Variants in GTF2H3 observed in about 807,000 individuals in gnomAD.
The protein encoded by GTF2H3 is general transcription factor IIH subunit 3.
GTF2H3 carries 42 observed loss-of-function variants against 51.1 expected under a neutral mutation model. That is an observed-to-expected ratio of 0.82 (90% CI 0.64 to 1.06). The LOEUF (loss-of-function observed/expected upper bound fraction) is 1.06. Among genes scored for constraint, GTF2H3 ranks in the 50% least tolerant of loss-of-function variants. The probability of loss-of-function intolerance (pLI) is 0.00; values close to 1 mark genes in which losing one functional copy is unlikely to be tolerated. For missense variants in GTF2H3, 326 were observed against 366.1 expected (o/e 0.89, Z 0.89); for synonymous variants, 123 against 123.8 (o/e 0.99, Z 0.04).
intron 3 of GTF2H3, among the ~76,000 whole-genome samples, chr12:123,647,217 C>A (rs1054813913): frequency 6.7e-6 from 1 of 150,074 alleles, no homozygotes. Context: ...CGCCTGTAAT[C>A]CCAGCACTTC....
chr12:123,658,285 C>T (rs887084908), intron 9 of GTF2H3, among the ~76,000 whole-genome samples: 1 of 152,070 alleles, frequency 6.6e-6, no homozygotes, highest in Non-Finnish European at 1.5e-5. Flanking sequence ...ATGGTACGAT[C>T]TCGGTGCACT....
chr12:123,660,469 A>G lies in GTF2H3; in HGVS notation c.*234A>G, dbSNP rs190510053. On this transcript the variant is annotated 3_prime_UTR_variant, in exon 13 of 13. Coordinates refer to ENST00000543341, the MANE Select transcript of GTF2H3 (RefSeq NM_001516.5). Reference sequence around the variant, plus strand: ...AATATTCTATGACTGGTTTCTGTCCATGTTTGTGGCTTTCATTTTTTTAAT... The same window carrying G: ...AATATTCTATGACTGGTTTCTGTCCGTGTTTGTGGCTTTCATTTTTTTAAT... 4.2e-4 allele frequency: 151 copies of G among 356,204 alleles called. No homozygotes were observed. Among genetic ancestry groups the G allele is most frequent in the African/African-American group, 2.9e-3 (139 of 47,370 alleles). The allele number at this position is 356,204 out of a possible 1,614,324, so 22.1% of individuals were successfully genotyped here. A position where few individuals can be genotyped will look rare whatever the true frequency, so the allele number is the denominator to read the frequency against.
chr12:123,654,657 T>G (rs961446749), intron 7 of GTF2H3, among the ~76,000 whole-genome samples: 1 of 151,978 alleles, frequency 6.6e-6, no homozygotes, highest in South Asian at 2.1e-4. Flanking sequence ...GTGTTTATTT[T>G]GTGTATGTGT....
At chr12:123,646,114 T>C (rs1955443318) in intron 3 of GTF2H3, among the ~76,000 whole-genome samples, 1 of 152,234 alleles carries the variant, frequency 6.6e-6, no homozygotes, top group Non-Finnish European at 1.5e-5. Context: ...CACTGCAAGA[T>C]GGTGCATAGC....
rs1200244224 is a variant in GTF2H3 at position 123,659,516 on chromosome 12, G to T, written c.616G>T (p.Ala206Ser). The T allele has an allele frequency of 1.2e-6, 2 of 1,614,014 alleles. No individual in the cohort carries two copies. The highest frequency in any genetic ancestry group is 1.7e-6 in the Non-Finnish European group (2 of 1,179,996). The change falls in exon 10 of 13, where the codon GCT (alanine) becomes TCT (serine). Residue 206 changes from alanine (A) to serine (S), a missense_variant and splice_region_variant. Coordinates refer to ENST00000543341, the MANE Select transcript of GTF2H3 (RefSeq NM_001516.5). ...LDSDSGLLQQ[A>S]CDITGGLYLK... Reference sequence around the variant, plus strand: ...GCAGCAAGCCGCCTGTGTCTTGCAGGCTTGTGACATCACGGGAGGACTGTA... The same window carrying T: ...GCAGCAAGCCGCCTGTGTCTTGCAGTCTTGTGACATCACGGGAGGACTGTA...
intron 8 of GTF2H3, 99 bp downstream of exon 8, chr12:123,655,097 C>T: frequency 1.1e-6 from 1 of 888,856 alleles, no homozygotes; most frequent in Admixed American, 1.9e-5. Context: ...ACTACGTAGG[C>T]TTATGAATGG....
chr12:123,653,081 T>C (rs1955539251), intron 7 of GTF2H3, among the ~76,000 whole-genome samples: 1 of 150,420 alleles, frequency 6.6e-6, no homozygotes, highest in East Asian at 2.0e-4. Context: ...GGTGACAGAG[T>C]GAGACTCCGT....
intron 2 of GTF2H3, 89 bp from the exon 3 acceptor site, chr12:123,645,366 A>C (rs1593800732): frequency 1.4e-6 from 1 of 726,604 alleles, no homozygotes; most frequent in Non-Finnish European, 2.4e-6. Flanking sequence ...CACTGCACCC[A>C]GCCTAAACGA....
chr12:123,653,826 G>T (rs977287320), intron 7 of GTF2H3, among the ~76,000 whole-genome samples: 7 of 152,210 alleles, frequency 4.6e-5, no homozygotes, highest in South Asian at 2.1e-4. Flanking sequence ...TTGGTAATCT[G>T]TGTCAAAATT....
At chr12:123,639,549 C>T (rs1248766242) in intron 2 of GTF2H3, among the ~76,000 whole-genome samples, 2 of 152,088 alleles carry the variant, frequency 1.3e-5, no homozygotes, top group African/African-American at 4.8e-5. Flanking sequence ...GACTGCGTAG[C>T]GTTCCCTCAT....
chr12:123,659,541 A>T lies in GTF2H3; in HGVS notation c.641A>T (p.Tyr214Phe). The T allele has an allele frequency of 1.9e-6, 3 of 1,614,104 alleles. No individual in the cohort carries two copies. The highest frequency in any genetic ancestry group is 2.5e-6 in the Non-Finnish European group (3 of 1,180,012). ...QQACDITGGL[Y>F]LKVPQMPSLL... ...GCTTGTGACATCACGGGAGGACTGT[A>T]CCTGAAGGTGCCTCAGATGCCTTCT... Residue 214 changes from tyrosine to phenylalanine, a missense_variant, in exon 10 of 13, where the codon TAC becomes TTC. Physicochemically the swap from Tyr to Phe is conservative, Grantham distance 22. Coordinates refer to ENST00000543341, the MANE Select transcript of GTF2H3 (RefSeq NM_001516.5).
At chr12:123,636,359 A>G (rs60567004) in intron 1 of GTF2H3, among the ~76,000 whole-genome samples, 1 of 152,152 alleles carries the variant, frequency 6.6e-6, no homozygotes, top group Non-Finnish European at 1.5e-5. Flanking sequence ...GGCTTTGAGG[A>G]GTAATTGGGA....
rs1955649387 is a variant in GTF2H3, at chr12:123,660,955, GTT to G, written c.*721_*722del. On this transcript the variant is annotated 3_prime_UTR_variant, in exon 13 of 13. Transcript: ENST00000543341. The stretch of plus-strand genomic sequence containing the variant: ...ACTTACTGGAGAAAATGGACTCTAT[GTT>G]AAGTATGGTTTTCAGATAGAATTCT... The G allele has an allele frequency of 6.6e-6, 1 of 152,082 alleles. No individual in the cohort carries two copies. Among genetic ancestry groups the G allele is most frequent in the Admixed American group, 6.6e-5 (1 of 15,236 alleles). 9.4% of individuals were successfully genotyped at this position (152,082 alleles called of 1,614,324 possible). A position where few individuals can be genotyped will look rare whatever the true frequency, so the allele number is the denominator to read the frequency against.
chr12:123,633,948 T>C (rs146287209), intron 1 of GTF2H3, 76 bp downstream of exon 1: 4 of 1,479,016 alleles, frequency 2.7e-6, no homozygotes, highest in African/African-American at 2.8e-5. Flanking sequence ...CCAGATGGAA[T>C]GTGTCTTTTG....
chr12:123,654,036 A>G (rs1466011036), intron 7 of GTF2H3, among the ~76,000 whole-genome samples: 1 of 152,150 alleles, frequency 6.6e-6, no homozygotes, highest in Non-Finnish European at 1.5e-5. Flanking sequence ...TTTCCCACAT[A>G]TATTGTGGAC....
intron 5 of GTF2H3, 194 bp downstream of exon 5, chr12:123,651,250 G>A (rs555591298): frequency 3.0e-5 from 13 of 426,272 alleles, no homozygotes; most frequent in African/African-American, 1.6e-4. Context: ...TCACTCTGTC[G>A]CCCAAGTTGG....
At chr12:123,634,157 G>T (rs917081204) in intron 1 of GTF2H3, among the ~76,000 whole-genome samples, 1 of 152,158 alleles carries the variant, frequency 6.6e-6, no homozygotes, top group Non-Finnish European at 1.5e-5. Context: ...AATTTCGGCC[G>T]GGTCGCACCC....
intron 2 of GTF2H3, 43 bp from the exon 3 acceptor site, chr12:123,645,412 G>T: frequency 2.9e-6 from 3 of 1,019,006 alleles, no homozygotes; most frequent in South Asian, 2.6e-5. Context: ...ATGGTTATTT[G>T]GATAGCTAAT....
At chr12:123,659,971 G>A (rs770611492) in intron 11 of GTF2H3, 41 bp downstream of exon 11, 17 of 1,604,552 alleles carry the variant, frequency 1.1e-5, no homozygotes, top group Admixed American at 1.0e-4. Context: ...TTCTATGTTG[G>A]GGGGCAGGAA....
Sources: gnomAD v4.1 joint callset for allele counts (sites outside exome capture counted in the v4.1 genomes callset) on GRCh38, gnomAD v4.1.1 for gene constraint, MANE v1.5 for transcripts, NCBI Gene and HGNC (gene_info 2026-07-23, HGNC 2026-07-21) for gene names.